PARD3B: variants seen among roughly 807,000 people sequenced by gnomAD.
The protein encoded by PARD3B is par-3 family cell polarity regulator beta.
A neutral mutation model predicts 130.2 loss-of-function variants in PARD3B; 103 were observed. The observed-to-expected ratio is 0.79, with a 90% CI of 0.67 to 0.93. The LOEUF (loss-of-function observed/expected upper bound fraction) is 0.93, where lower values mean the gene tolerates loss of function less well. Among genes scored for constraint, PARD3B ranks in the 40% least tolerant of loss-of-function variants. The pLI, the probability that PARD3B is intolerant of heterozygous loss-of-function variation, is 0.00. For synonymous variants in PARD3B, 583 were observed against 553.2 expected (o/e 1.05, Z -0.76); for missense variants, 1,609 against 1,499.2 (o/e 1.07, Z -1.21).
intron 13 of PARD3B, among the ~76,000 whole-genome samples, chr2:205,178,475 T>G (rs2035611195): frequency 6.6e-6 from 1 of 152,220 alleles, no homozygotes; most frequent in East Asian, 1.9e-4. Flanking sequence ...AATTAAAAAT[T>G]TTCTTGACAG....
chr2:205,410,846 G>T (rs1295127800), intron 19 of PARD3B, among the ~76,000 whole-genome samples: 2 of 152,150 alleles, frequency 1.3e-5, no homozygotes, highest in Admixed American at 6.5e-5. Flanking sequence ...AACTCTATAT[G>T]ATTTGAAAGG....
rs1208177693 is a variant in PARD3B at position 204,588,674 on chromosome 2, A to G, written c.120+42555A>G. On this transcript the variant is annotated intron_variant, in intron 1 of 22. Transcript: ENST00000406610. Reference sequence around the variant, plus strand: ...TTTAATGTTTGGAATACTGCACTTAATGGAGATTCCCATGTTTACTTTAAA... The same window carrying G: ...TTTAATGTTTGGAATACTGCACTTAGTGGAGATTCCCATGTTTACTTTAAA... Among the ~76,000 whole-genome samples the G allele has an allele frequency of 6.6e-5, 10 of 152,196 alleles. No individual in the cohort carries two copies. In the South Asian group the frequency reaches 2.1e-3, roughly 31 times the overall value.
chr2:205,482,336 G>GGTT (rs1412693984), intron 20 of PARD3B, among the ~76,000 whole-genome samples: 1 of 152,124 alleles, frequency 6.6e-6, no homozygotes, highest in African/African-American at 2.4e-5. Context: ...GTCCAGCAGA[G>GGTT]GTTAGGGAGA....
chr2:205,113,015 C>T (rs13385430), intron 5 of PARD3B, among the ~76,000 whole-genome samples: 20,321 of 152,116 alleles, frequency 0.13, 1,428 homozygotes, highest in East Asian at 0.15. Context: ...CATTATAACA[C>T]GTAATTCTGT....
chr2:204,560,028 G>A (rs2031206796), intron 1 of PARD3B, among the ~76,000 whole-genome samples: 1 of 151,972 alleles, frequency 6.6e-6, no homozygotes, highest in African/African-American at 2.4e-5. Flanking sequence ...TCAAACACTG[G>A]GGCCTGTTGT....
chr2:204,821,654 T>C (rs574758724), intron 2 of PARD3B, among the ~76,000 whole-genome samples: 14 of 151,456 alleles, frequency 9.2e-5, no homozygotes, highest in Admixed American at 4.0e-4. Flanking sequence ...GTAACTAACC[T>C]GCACATTGTA....
At chr2:205,400,615 C>A (rs757193431) in intron 18 of PARD3B, among the ~76,000 whole-genome samples, 37 of 151,634 alleles carry the variant, frequency 2.4e-4, no homozygotes, top group Admixed American at 4.6e-4. Context: ...GCACCTCAGT[C>A]TGGGTGACAG....
chr2:204,672,585 C>A (rs2036356590), intron 1 of PARD3B, among the ~76,000 whole-genome samples: 2 of 152,094 alleles, frequency 1.3e-5, no homozygotes, highest in African/African-American at 4.8e-5. Flanking sequence ...ATTTTTGTTG[C>A]AAATGAAAAA....
chr2:204,561,848 C>T (rs1247807743), intron 1 of PARD3B, among the ~76,000 whole-genome samples: 8 of 152,124 alleles, frequency 5.3e-5, no homozygotes, highest in South Asian at 2.1e-4. Context: ...CCACCAGCCT[C>T]GGGCTCCCAA....
intron 21 of PARD3B, among the ~76,000 whole-genome samples, chr2:205,522,881 T>C (rs2051142093): frequency 6.6e-6 from 1 of 152,206 alleles, no homozygotes; most frequent in South Asian, 2.1e-4. Context: ...ATTGAGAAAA[T>C]ATGGTAAAAC....
intron 3 of PARD3B, among the ~76,000 whole-genome samples, chr2:204,991,969 G>A (rs1693739779): frequency 6.6e-6 from 1 of 151,688 alleles, no homozygotes. Flanking sequence ...TGTAGATTCT[G>A]GATATTAGCC....
At chr2:204,546,262 A>G in intron 1 of PARD3B, 143 bp downstream of exon 1, 1 of 1,205,810 alleles carries the variant, frequency 8.3e-7, no homozygotes. Context: ...TATTGCTAAT[A>G]TCAGTGATGT....
chr2:204,777,891 C>G (rs2041691720), intron 2 of PARD3B, among the ~76,000 whole-genome samples: 2 of 152,022 alleles, frequency 1.3e-5, no homozygotes, highest in African/African-American at 4.8e-5. Context: ...GGGTGGTTTC[C>G]CCATTCTGTT....
In PARD3B at chr2:205,085,710, G is replaced by A. The variant is rs1022933833; in HGVS notation, c.505-18716G>A. ...GTTAGCATTATTTAAATTAATTTAGGTATTTTCCATCAAATTATTGGCCCT... is the reference window on the plus strand; with the variant it reads ...GTTAGCATTATTTAAATTAATTTAGATATTTTCCATCAAATTATTGGCCCT... On this transcript the variant is annotated intron_variant, in intron 4 of 22. Transcript: ENST00000406610. 7.9e-5 allele frequency among the ~76,000 whole-genome samples: 12 copies of A among 151,684 alleles called. No homozygotes were observed. The South Asian group carries it at 8.3e-4, about 11-fold the overall frequency.
rs2042748445 is a variant in PARD3B at position 205,321,434 on chromosome 2, C to G, written c.2630+19733C>G. ...GATAGTAACATTTTTTCTGAATTAG[C>G]TGTAGCATTCTCTCTCTCTTTCTCT... On this transcript the variant is annotated intron_variant, in intron 18 of 22. Transcript: ENST00000406610. The surrounding 1 kb of genome is among the most constrained non-coding windows in gnomAD (Gnocchi z 4.2). 2.0e-5 allele frequency among the ~76,000 whole-genome samples: 3 copies of G among 151,980 alleles called. No homozygotes were observed. The highest frequency in any genetic ancestry group is 7.2e-5 in the African/African-American group (3 of 41,380).
intron 18 of PARD3B, among the ~76,000 whole-genome samples, chr2:205,381,423 G>A (rs1218588888): frequency 6.6e-6 from 1 of 151,128 alleles, no homozygotes; most frequent in Non-Finnish European, 1.5e-5. Context: ...ATGTCGTTAA[G>A]TAGTAACTTC....
Position 205,253,558 on chromosome 2 carries a change from C to T in PARD3B, c.2185+7736C>T, listed in dbSNP as rs796952905. 8.3e-5 allele frequency: 41 copies of T among 492,354 alleles called. No individual in the cohort carries two copies. The highest frequency in any genetic ancestry group is 7.4e-4 in the African/African-American group (38 of 51,614). The allele number at this position is 492,354 out of a possible 1,614,324, so 30.5% of individuals were successfully genotyped here. Reference sequence around the variant, plus strand: ...CATGGCCCCACAGCCTGGAGCCTCCCCTGCCTCCTCTGCCTCTTCAGAGCC... The same window carrying T: ...CATGGCCCCACAGCCTGGAGCCTCCTCTGCCTCCTCTGCCTCTTCAGAGCC... On this transcript the variant is annotated intron_variant, in intron 16 of 22. Coordinates refer to ENST00000406610, the MANE Select transcript of PARD3B (RefSeq NM_001302769.2). The surrounding 1 kb of genome is among the most constrained non-coding windows in gnomAD (Gnocchi z 4.4).
intron 1 of PARD3B, among the ~76,000 whole-genome samples, chr2:204,637,664 A>G (rs113603414): frequency 1.8e-4 from 27 of 152,058 alleles, no homozygotes; most frequent in African/African-American, 5.5e-4. Context: ...CTCGTGATTT[A>G]CATTTCTGGA....
intron 2 of PARD3B, among the ~76,000 whole-genome samples, chr2:204,893,760 A>G (rs1392385281): frequency 6.6e-6 from 1 of 152,170 alleles, no homozygotes; most frequent in Non-Finnish European, 1.5e-5. Context: ...GCCACATCAC[A>G]AGTGTTCAAC....
Sources: gnomAD v4.1 joint callset for allele counts (sites outside exome capture counted in the v4.1 genomes callset) on GRCh38, gnomAD v4.1.1 for gene constraint, Gnocchi (gnomAD v3.1) non-coding constraint, MANE v1.5 for transcripts, NCBI Gene and HGNC (gene_info 2026-07-23, HGNC 2026-07-21) for gene names.